EMILIN2: variants seen among roughly 807,000 people sequenced by gnomAD.
The protein encoded by EMILIN2 is elastin microfibril interfacer 2.
In EMILIN2, 71 loss-of-function variants were observed where a neutral mutation model predicts 87.1. The ratio of observed to expected loss-of-function variants is 0.82; its 90% CI spans 0.67 to 0.99. EMILIN2 has a LOEUF of 0.99. Ranked by LOEUF, EMILIN2 falls within the 50% of genes least tolerant of loss-of-function variation. EMILIN2 has a pLI of 0.00. For missense variants in EMILIN2, 1,407 were observed against 1,371.8 expected, an observed-to-expected ratio of 1.03 and a Z score of -0.40; for synonymous variants, 581 against 563.4, an observed-to-expected ratio of 1.03 and a Z score of -0.44.
chr18:2,846,900 G>A (rs2076576785), upstream of EMILIN2: 4 of 989,452 alleles, frequency 4.0e-6, no homozygotes, highest in Non-Finnish European at 4.8e-6. This position sits in a 1 kb window ranked among gnomAD's most constrained non-coding sequence, Gnocchi z 5.3. Flanking sequence ...ACTTGGTGGG[G>A]GGAGAGTCAC....
intron 2 of EMILIN2, among the ~76,000 whole-genome samples, chr18:2,870,592 G>T (rs1396403310): frequency 6.6e-6 from 1 of 152,212 alleles, no homozygotes; most frequent in Non-Finnish European, 1.5e-5. Context: ...AACGTGCTGG[G>T]GTGTTCAGAG....
chr18:2,884,775 C>T lies in EMILIN2; in HGVS notation c.258-189C>T, dbSNP rs543100153. 4.6e-4 allele frequency among the ~76,000 whole-genome samples: 70 copies of T among 152,316 alleles called. 1 individual carries two copies. In the South Asian group the frequency reaches 0.013, roughly 28 times the overall value. ...GGAGGATTGGGGAGCCCCTGCCTTC[C>T]TGAGGCTGATCTGAGTTAGGCTGAA... On this transcript the variant is annotated intron_variant, in intron 2 of 7. Transcript: ENST00000254528.
In EMILIN2 at chr18:2,913,298, C is replaced by G; in HGVS notation, c.3056C>G (p.Ala1019Gly). The change falls in exon 8 of 8, where the codon GCA becomes GGA. Residue 1019 changes from alanine to glycine, a missense_variant. Transcript: ENST00000254528. ...HLIVHLKAGDAVNVVVTGGKL... is the reference protein window; with the variant it reads ...HLIVHLKAGDGVNVVVTGGKL... ...ATCGTGCACCTGAAGGCGGGAGATG[C>G]AGTCAACGTCGTGGTGACTGGGGGC... 1 of 1,612,884 alleles carries G rather than the reference C, an allele frequency of 6.2e-7. No individual in the cohort carries two copies. The highest frequency in any genetic ancestry group is 8.5e-7 in the Non-Finnish European group (1 of 1,179,182).
At chr18:2,875,195 G>C (rs2076741111) in intron 2 of EMILIN2, among the ~76,000 whole-genome samples, 1 of 152,142 alleles carries the variant, frequency 6.6e-6, no homozygotes, top group African/African-American at 2.4e-5. Flanking sequence ...AGGAGAACTT[G>C]GGCCATTAAA....
chr18:2,872,207 C>T (rs553020738), intron 2 of EMILIN2, among the ~76,000 whole-genome samples: 1 of 152,268 alleles, frequency 6.6e-6, no homozygotes, highest in South Asian at 2.1e-4. Flanking sequence ...AAGGATGCTG[C>T]TGTTGCTCAA....
At chr18:2,900,945 T>G (rs2076885770) in intron 4 of EMILIN2, among the ~76,000 whole-genome samples, 1 of 152,240 alleles carries the variant, frequency 6.6e-6, no homozygotes, top group African/African-American at 2.4e-5. Context: ...CAGGTATACC[T>G]TCTGGATGGC....
chr18:2,885,435 C>CACT (rs1393940402), intron 3 of EMILIN2, among the ~76,000 whole-genome samples: 2 of 152,226 alleles, frequency 1.3e-5, no homozygotes, highest in African/African-American at 4.8e-5. Context: ...GGAGGCACAG[C>CACT]TGTGAAGAGA....
At chr18:2,899,747 A>G (rs931944254) in intron 4 of EMILIN2, among the ~76,000 whole-genome samples, 8 of 152,110 alleles carry the variant, frequency 5.3e-5, no homozygotes, top group Non-Finnish European at 1.2e-4. Flanking sequence ...CAGGTGATCC[A>G]TCCACCTCAG....
chr18:2,872,451 T>A (rs613796), intron 2 of EMILIN2, among the ~76,000 whole-genome samples: 65,444 of 152,124 alleles, frequency 0.43, 14,581 homozygotes, highest in Admixed American at 0.49. Flanking sequence ...CGAACCCTTA[T>A]GCTCAAGCGA....
chr18:2,884,403 A>G (rs1741405989), intron 2 of EMILIN2, among the ~76,000 whole-genome samples: 1 of 126,792 alleles, frequency 7.9e-6, no homozygotes, highest in Non-Finnish European at 1.8e-5. Flanking sequence ...GCGCCACAAC[A>G]CCTGGCTAAG....
chr18:2,872,829 G>A (rs2076726958), intron 2 of EMILIN2, among the ~76,000 whole-genome samples: 1 of 149,320 alleles, frequency 6.7e-6, no homozygotes. Flanking sequence ...TAAACACATA[G>A]GGAATTATTT....
chr18:2,912,965 C>A, intron 7 of EMILIN2, 102 bp from the exon 8 acceptor site: 1 of 1,221,298 alleles, frequency 8.2e-7, no homozygotes, highest in South Asian at 1.4e-5. Context: ...ACAGAGATGG[C>A]TGGTCTCCCA....
intron 3 of EMILIN2, among the ~76,000 whole-genome samples, chr18:2,888,345 T>C (rs948754678): frequency 6.6e-6 from 1 of 152,188 alleles, no homozygotes; most frequent in African/African-American, 2.4e-5. Context: ...TGCCGCCCTT[T>C]GTTTTTATTT....
rs2076897424 is a variant in EMILIN2, at chr18:2,903,544, C to T, written c.2360-3239C>T. Among the ~76,000 whole-genome samples, 2 of 152,124 alleles carry T rather than the reference C, an allele frequency of 1.3e-5. 1 individual carries two copies. The highest frequency in any genetic ancestry group is 4.1e-4 in the South Asian group (2 of 4,820). ...AGCTTTAGACATTGTATATTGACCC[C>T]CCCTTCCTCCCAATTCCCAACAGAG... On this transcript the variant is annotated intron_variant, in intron 4 of 7. Transcript: ENST00000254528.
At chr18:2,846,487 G>A (rs1325214127), upstream of EMILIN2, among the ~76,000 whole-genome samples, 4 of 152,206 alleles carry the variant, frequency 2.6e-5, no homozygotes, top group Non-Finnish European at 5.9e-5. This position sits in a 1 kb window ranked among gnomAD's most constrained non-coding sequence, Gnocchi z 5.3. Flanking sequence ...GTCAGATGGT[G>A]CCTAAGGCAG....
At chr18:2,858,563 A>ACG (rs2076641947) in intron 2 of EMILIN2, among the ~76,000 whole-genome samples, 1 of 68,734 alleles carries the variant, frequency 1.5e-5, no homozygotes, top group Admixed American at 1.9e-4. Context: ...ATATATATAT[A>ACG]TATATATGTG....
chr18:2,860,201 C>G (rs2076653410), intron 2 of EMILIN2, among the ~76,000 whole-genome samples: 1 of 152,114 alleles, frequency 6.6e-6, no homozygotes, highest in Admixed American at 6.6e-5. Context: ...CATCCATGAA[C>G]ATGGTGTGTG....
Position 2,915,156 on chromosome 18 carries a change from C to T in EMILIN2, c.*1752C>T, listed in dbSNP as rs568545246. On this transcript the variant is annotated 3_prime_UTR_variant, in exon 8 of 8. Coordinates refer to ENST00000254528, the MANE Select transcript of EMILIN2 (RefSeq NM_032048.3). ...TGACTACCTGCTGCTTTCCCTACTC[C>T]GTAGATGGGTCTGGAACATCGGGTA... The T allele has an allele frequency of 4.6e-5, 7 of 152,422 alleles. No homozygotes were observed. Among genetic ancestry groups the T allele is most frequent in the Non-Finnish European group, 1.0e-4 (7 of 68,086 alleles). The allele number at this position is 152,422 out of a possible 1,614,324, so 9.4% of individuals were successfully genotyped here.
chr18:2,890,934 C>G lies in EMILIN2; in HGVS notation c.807C>G (p.Val269=), dbSNP rs1249479812. 1 of 1,613,870 alleles carries G rather than the reference C, an allele frequency of 6.2e-7. No homozygotes were observed. The highest frequency in any genetic ancestry group is 8.5e-7 in the Non-Finnish European group (1 of 1,180,034). Residue 269 remains valine (V), a synonymous_variant, in exon 4 of 8, where the codon GTC becomes GTG. Transcript: ENST00000254528. The surrounding 1 kb of genome is among the most constrained non-coding windows in gnomAD (Gnocchi z 4.7). ...ACATCAAGTCTGAATTGGCTGAAGT[C>G]AAAGATACTCTAAAGAACAAAAGTG... ...MKDIKSELAE[V]KDTLKNKSDK...
Sources: allele counts gnomAD v4.1 joint callset (sites outside exome capture counted in the v4.1 genomes callset), GRCh38; gene constraint gnomAD v4.1.1; non-coding constraint Gnocchi (gnomAD v3.1); transcripts MANE v1.5; gene names NCBI Gene and HGNC (gene_info 2026-07-23, HGNC 2026-07-21).